ZZEF1: variants seen among roughly 807,000 people sequenced by gnomAD.
ZZEF1 encodes zinc finger ZZ-type and EF-hand domain containing 1, also known as zinc finger ZZ-type and EF-hand domain-containing protein 1.
Under a neutral mutation model 342.8 loss-of-function variants are expected in ZZEF1, and 157 were observed. The ratio of observed to expected loss-of-function variants is 0.46; its 90% CI spans 0.40 to 0.52. The LOEUF (loss-of-function observed/expected upper bound fraction) is 0.52, where lower values mean the gene tolerates loss of function less well. ZZEF1 is among the 20% of genes least tolerant of loss of function. ZZEF1 has a pLI of 0.00. For missense variants in ZZEF1, 3,480 were observed against 3,725.6 expected (o/e 0.93, Z 1.72); for synonymous variants, 1,505 against 1,429.1 (o/e 1.05, Z -1.20).
intron 11 of ZZEF1, among the ~76,000 whole-genome samples, chr17:4,091,241 G>A (rs563171388): frequency 1.3e-5 from 2 of 152,188 alleles, no homozygotes; most frequent in Non-Finnish European, 2.9e-5. Context: ...TGACCAACCT[G>A]AGGTTTGGGC....
chr17:4,084,604 A>G (rs2057785106), intron 16 of ZZEF1, among the ~76,000 whole-genome samples: 1 of 152,142 alleles, frequency 6.6e-6, no homozygotes, highest in African/African-American at 2.4e-5. Context: ...TAGAGAGAAA[A>G]AGTTTTGTTT....
chr17:4,039,394 C>T (rs2056748885), intron 39 of ZZEF1, among the ~76,000 whole-genome samples: 1 of 152,036 alleles, frequency 6.6e-6, no homozygotes, highest in Non-Finnish European at 1.5e-5. Context: ...CGCTTGAACC[C>T]AGGAGGTGGA....
chr17:4,080,254 C>G (rs1309607763), intron 18 of ZZEF1, among the ~76,000 whole-genome samples: 2 of 150,954 alleles, frequency 1.3e-5, no homozygotes, highest in Non-Finnish European at 3.0e-5. Context: ...TAAAAAATCA[C>G]TAACACAGAA....
intron 30 of ZZEF1, 64 bp from the exon 31 acceptor site, chr17:4,059,354 A>G: frequency 6.4e-7 from 1 of 1,557,552 alleles, no homozygotes; most frequent in South Asian, 1.2e-5. Flanking sequence ...AATAATAATA[A>G]TGATTTCTTA....
intron 5 of ZZEF1, among the ~76,000 whole-genome samples, chr17:4,111,292 C>A (rs895181972): frequency 7.9e-5 from 12 of 152,204 alleles, no homozygotes; most frequent in Admixed American, 3.9e-4. Context: ...ATCATAGTAA[C>A]AATCCCTGGG....
At chr17:4,105,592 G>C in intron 7 of ZZEF1, 101 bp downstream of exon 7, 1 of 932,742 alleles carries the variant, frequency 1.1e-6, no homozygotes, top group East Asian at 2.6e-5. Flanking sequence ...ACCATTTTTA[G>C]TGGTGATCGT....
chr17:4,109,398 A>G (rs1457575024), intron 6 of ZZEF1, among the ~76,000 whole-genome samples: 1 of 152,194 alleles, frequency 6.6e-6, no homozygotes, highest in Non-Finnish European at 1.5e-5. Context: ...GCTGATGAAG[A>G]ACACTGTAGG....
chr17:4,074,535 A>G (rs2057571545), intron 23 of ZZEF1, among the ~76,000 whole-genome samples, 184 bp from the exon 24 acceptor site: 1 of 152,246 alleles, frequency 6.6e-6, no homozygotes, highest in African/African-American at 2.4e-5. Flanking sequence ...GCCACACCCC[A>G]TGAAGAAGGA....
chr17:4,053,754 C>T (rs2057098729), intron 34 of ZZEF1, among the ~76,000 whole-genome samples: 2 of 152,224 alleles, frequency 1.3e-5, no homozygotes, highest in Non-Finnish European at 2.9e-5. Flanking sequence ...CATGTAAACA[C>T]TGCATGATTC....
At chr17:4,089,040 AT>A (rs1307427724) in intron 12 of ZZEF1, 147 bp from the exon 13 acceptor site, 18 of 669,760 alleles carry the variant, frequency 2.7e-5, no homozygotes, top group Non-Finnish European at 4.0e-5. Context: ...GACACAAAAT[AT>A]AAGTCCAGCA....
rs1567767389 is a variant in ZZEF1, at chr17:4,021,290, T to C, written c.7243A>G (p.Lys2415Glu). ...TGCTCAGCCAAAGCGTTGATCTCCT[T>C]TTTTGAGGAGTACAGCATGATGGAC... The part of the protein sequence containing the change: ...ILSIMLYSSK[K>E]EINALAEHGD... The change falls in exon 45 of 55, where the codon AAG becomes GAG. Residue 2415 changes from lysine to glutamate, a missense_variant. This residue lies in a region of ZZEF1 where 1,269 missense variants were observed against 1,342.4 expected (regional missense o/e 0.95). Coordinates refer to ENST00000381638, the MANE Select transcript of ZZEF1 (RefSeq NM_015113.4). 6.2e-7 allele frequency: 1 copy of C among 1,613,930 alleles called. No homozygotes were observed. The highest frequency in any genetic ancestry group is 8.5e-7 in the Non-Finnish European group (1 of 1,179,914).
At chr17:4,129,865 A>G (rs561438862) in intron 1 of ZZEF1, among the ~76,000 whole-genome samples, 1 of 152,352 alleles carries the variant, frequency 6.6e-6, no homozygotes, top group African/African-American at 2.4e-5. Context: ...TTTTGTGGGA[A>G]CATGGATGGA....
At chr17:4,127,173 T>C (rs1316962354) in intron 1 of ZZEF1, among the ~76,000 whole-genome samples, 3 of 152,058 alleles carry the variant, frequency 2.0e-5, no homozygotes, top group African/African-American at 7.2e-5. Flanking sequence ...GCTGATCCTT[T>C]AATTTTTCTG....
intron 34 of ZZEF1, among the ~76,000 whole-genome samples, chr17:4,052,569 T>C (rs910072798): frequency 1.8e-4 from 27 of 151,848 alleles, no homozygotes; most frequent in Admixed American, 1.3e-3. Flanking sequence ...AAATAAAAAT[T>C]AAAAAATTAA....
Position 4,142,426 on chromosome 17 carries a change from G to A in ZZEF1, c.354+116C>T, listed in dbSNP as rs1275648435. 2.7e-6 allele frequency: 3 copies of A among 1,114,984 alleles called. No homozygotes were observed. The South Asian group carries it at 4.5e-5, about 17-fold the overall frequency. The allele number at this position is 1,114,984 out of a possible 1,614,324, so 69.1% of individuals were successfully genotyped here. A position where few individuals can be genotyped will look rare whatever the true frequency, so the allele number is the denominator to read the frequency against. Reference sequence around the variant, plus strand: ...GAAGCAAACGCCTGGTGAAAAGCTGGAAACACCTCATATGGGTCCCCGCCT... The same window carrying A: ...GAAGCAAACGCCTGGTGAAAAGCTGAAAACACCTCATATGGGTCCCCGCCT... On this transcript the variant is annotated intron_variant, in intron 1 of 54. Transcript: ENST00000381638.
intron 37 of ZZEF1, among the ~76,000 whole-genome samples, chr17:4,045,829 T>C (rs1306472367): frequency 7.9e-6 from 1 of 126,050 alleles, no homozygotes; most frequent in Non-Finnish European, 1.6e-5. Flanking sequence ...TTTTTGTTCT[T>C]GTTTTTTTTT....
At chr17:4,040,495 GCATCT>G (rs1164408953) in intron 39 of ZZEF1, among the ~76,000 whole-genome samples, 3 of 152,074 alleles carry the variant, frequency 2.0e-5, no homozygotes, top group Admixed American at 6.6e-5. Context: ...GGAAATAAAA[GCATCT>G]CATCTTGTCA....
chr17:4,122,313 G>A (rs990456743), intron 2 of ZZEF1, among the ~76,000 whole-genome samples: 10 of 151,512 alleles, frequency 6.6e-5, no homozygotes, highest in Non-Finnish European at 1.3e-4. Flanking sequence ...ATTTTATTAT[G>A]ATTCTGTCTT....
At chr17:4,009,323 G>A (rs1245573658) in intron 53 of ZZEF1, 15 of 575,286 alleles carry the variant, frequency 2.6e-5, no homozygotes, top group Admixed American at 6.0e-5. Context: ...ATAACCCATC[G>A]TTTTATTTTC....
Sources: gnomAD v4.1 joint callset for allele counts (sites outside exome capture counted in the v4.1 genomes callset) on GRCh38, gnomAD v4.1.1 for gene constraint, gnomAD v4.1.1 regional missense constraint, MANE v1.5 for transcripts, NCBI Gene and HGNC (gene_info 2026-07-23, HGNC 2026-07-21) for gene names.